The following SH2D7 variants were observed in gnomAD, a reference collection of about 807,000 sequenced individuals.
SH2D7 encodes the protein SH2 domain containing 7.
SH2D7 carries 32 observed loss-of-function variants against 40.8 expected under a neutral mutation model. The observed-to-expected ratio is 0.78, with a 90% CI of 0.59 to 1.05. SH2D7 has a LOEUF of 1.05. Ranked by LOEUF, SH2D7 falls within the 50% of genes least tolerant of loss-of-function variation. SH2D7 has a pLI of 0.00. For missense variants in SH2D7, 559 were observed against 566.6 expected (o/e 0.99, Z 0.14); for synonymous variants, 195 against 221.5 (o/e 0.88, Z 1.06).
intron 4 of SH2D7, among the ~76,000 whole-genome samples, chr15:78,100,696 C>CA (rs1213564908): frequency 6.6e-6 from 1 of 152,026 alleles, no homozygotes; most frequent in Non-Finnish European, 1.5e-5. Flanking sequence ...GACTCCATCT[C>CA]AAAAAACAAA....
At position 78,101,431 on chromosome 15, in the gene SH2D7, G is replaced by A; in HGVS notation, c.1178G>A (p.Ser393Asn). The A allele has an allele frequency of 6.2e-7, 1 of 1,613,382 alleles. No individual in the cohort carries two copies. The highest frequency in any genetic ancestry group is 2.2e-5 in the East Asian group (1 of 44,868). ...GCCAGGGCCCCACATCCTGGGGCCA[G>A]TCCCACATATAGCCCATGGGTCCAT... ...GPARAPHPGA[S>N]PTYSPWVHGY... The change falls in exon 5 of 6, where the codon AGT becomes AAT. Residue 393 changes from serine (S) to asparagine (N), a missense_variant. Physicochemically the swap from Ser to Asn is conservative, Grantham distance 46. Transcript: ENST00000328828.
chr15:78,102,309 A>G (rs893924311), intron 5 of SH2D7, among the ~76,000 whole-genome samples: 1 of 152,212 alleles, frequency 6.6e-6, no homozygotes, highest in African/African-American at 2.4e-5. Context: ...TGTCTTAAAT[A>G]CCACAATTAT....
At chr15:78,100,872 A>T in intron 4 of SH2D7, 27 bp from the exon 5 acceptor site, 1 of 1,605,484 alleles carries the variant, frequency 6.2e-7, no homozygotes, top group South Asian at 1.1e-5. Flanking sequence ...CTGCCCCTTA[A>T]GAGTTTCTCT....
In SH2D7 at chr15:78,098,731, G is replaced by T. The variant is rs546533339; in HGVS notation, c.645+135G>T. 5.3e-5 allele frequency: 56 copies of T among 1,060,248 alleles called. No homozygotes were observed. In the African/African-American group the frequency reaches 8.3e-4, roughly 16 times the overall value. 65.7% of individuals were successfully genotyped at this position (1,060,248 alleles called of 1,614,324 possible). A position where few individuals can be genotyped will look rare whatever the true frequency, so the allele number is the denominator to read the frequency against. ...AGGGTGAGCCAGGCCCAGAGGTGCG[G>T]ACCCAGCTTGGAATCACCCAGGGTT... On this transcript the variant is annotated intron_variant, in intron 4 of 5. Coordinates refer to ENST00000328828, the MANE Select transcript of SH2D7 (RefSeq NM_001101404.2).
At chr15:78,095,385 G>C (rs1314727495) in intron 2 of SH2D7, among the ~76,000 whole-genome samples, 1 of 151,968 alleles carries the variant, frequency 6.6e-6, no homozygotes, top group Admixed American at 6.6e-5. Flanking sequence ...TTTCTTCCCA[G>C]GTGAGATCTT....
At chr15:78,100,806 C>T in intron 4 of SH2D7, 93 bp from the exon 5 acceptor site, 1 of 1,429,254 alleles carries the variant, frequency 7.0e-7, no homozygotes, top group Non-Finnish European at 9.5e-7. Context: ...ATAGCCAAGA[C>T]AGGGGGCCTC....
intron 2 of SH2D7, 137 bp from the exon 3 acceptor site, chr15:78,097,792 G>T: frequency 9.3e-7 from 1 of 1,070,388 alleles, no homozygotes. Flanking sequence ...GGGGTACAGT[G>T]GCCCCAGGTC....
chr15:78,101,610 T>C, intron 5 of SH2D7, 52 bp downstream of exon 5: 2 of 1,502,786 alleles, frequency 1.3e-6, no homozygotes, highest in African/African-American at 2.8e-5. Context: ...GAGCACCTGG[T>C]GGTAGGAGAC....
At chr15:78,094,802 G>A (rs28627975) in intron 2 of SH2D7, among the ~76,000 whole-genome samples, 3 of 152,174 alleles carry the variant, frequency 2.0e-5, no homozygotes, top group Non-Finnish European at 4.4e-5. Context: ...AGGTGTGGGG[G>A]CACTGGGGAC....
Position 78,098,608 on chromosome 15 carries a change from T to TA in SH2D7, c.645+13dup. ...AGGAAAGCATGGAGGTGAGGAGCAT[T>TA]ATGGGCCACCTAGAGTCAGGGTTGC... is the stretch of plus-strand genomic sequence containing the variant. On this transcript the variant is annotated intron_variant, in intron 4 of 5. Coordinates refer to ENST00000328828, the MANE Select transcript of SH2D7 (RefSeq NM_001101404.2). The TA allele has an allele frequency of 6.2e-7, 1 of 1,611,294 alleles. No homozygotes were observed. The highest frequency in any genetic ancestry group is 2.2e-5 in the East Asian group (1 of 44,806).
rs1299430223 is a variant in SH2D7 at position 78,103,527 on chromosome 15, C to G, written c.*12C>G. ...AGCACAAATTCTGAGGGCCTGGCATCCGGCAGCCCACCAGTGGGTTTCCTG... is the reference window on the plus strand; with the variant it reads ...AGCACAAATTCTGAGGGCCTGGCATGCGGCAGCCCACCAGTGGGTTTCCTG... On this transcript the variant is annotated 3_prime_UTR_variant, in exon 6 of 6. Transcript: ENST00000328828. 4 of 1,561,170 alleles carry G rather than the reference C, an allele frequency of 2.6e-6. No homozygotes were observed. In the South Asian group the frequency reaches 4.7e-5, roughly 18 times the overall value.
intron 4 of SH2D7, among the ~76,000 whole-genome samples, chr15:78,100,650 T>C (rs1396205300): frequency 6.6e-6 from 1 of 152,078 alleles, no homozygotes; most frequent in East Asian, 1.9e-4. Flanking sequence ...TGAGCTGAGA[T>C]TGCGCCACTG....
chr15:78,096,884 T>A (rs1192939238), intron 2 of SH2D7, among the ~76,000 whole-genome samples: 1 of 152,188 alleles, frequency 6.6e-6, no homozygotes, highest in Admixed American at 6.6e-5. Flanking sequence ...ACTCTACTCC[T>A]TGGTATATTC....
At chr15:78,103,347 TG>T in intron 5 of SH2D7, 117 bp from the exon 6 acceptor site, 1 of 1,149,448 alleles carries the variant, frequency 8.7e-7, no homozygotes, top group Non-Finnish European at 1.2e-6. Flanking sequence ...AATTCCAACC[TG>T]GCCTCATGTC....
rs1478444563 is a variant in SH2D7, at chr15:78,098,107, C to T, written c.432+13C>T. The T allele has an allele frequency of 1.3e-6, 2 of 1,599,038 alleles. No homozygotes were observed. Among genetic ancestry groups the T allele is most frequent in the Middle Eastern group, 1.7e-4 (1 of 6,004 alleles). On this transcript the variant is annotated intron_variant, in intron 3 of 5. Transcript: ENST00000328828. ...TGCCTGCCCCCGGGTAGGCGCCCCA[C>T]TTCCCCAGGGTGAGGGTGGCAGGGC...
chr15:78,100,019 C>T (rs907109099), intron 4 of SH2D7, among the ~76,000 whole-genome samples: 1 of 152,220 alleles, frequency 6.6e-6, no homozygotes, highest in Admixed American at 6.5e-5. Flanking sequence ...GACCCTGCTT[C>T]GTTCTTTGTA....
intron 2 of SH2D7, among the ~76,000 whole-genome samples, chr15:78,096,414 G>C (rs924231371): frequency 3.9e-5 from 6 of 152,128 alleles, no homozygotes; most frequent in African/African-American, 1.4e-4. Context: ...AGCTATCAGG[G>C]AAACACAAAT....
chr15:78,097,342 C>T (rs892962266), intron 2 of SH2D7, among the ~76,000 whole-genome samples: 4 of 152,044 alleles, frequency 2.6e-5, no homozygotes, highest in Non-Finnish European at 5.9e-5. Context: ...AATGTACACA[C>T]ATCACTGTGT....
chr15:78,100,912 T>C lies in SH2D7; in HGVS notation c.659T>C (p.Val220Ala). The C allele has an allele frequency of 6.2e-7, 1 of 1,613,336 alleles. No individual in the cohort carries two copies. The highest frequency in any genetic ancestry group is 1.1e-5 in the South Asian group (1 of 91,052). The stretch of plus-strand genomic sequence containing the variant: ...CTGTCTCCCCAGGCTCCCATCAGAG[T>C]GTCTCCACTCCCTGAGAAGAGTTCC... Reference protein sequence around the residue: ...QEESMEAPIRVSPLPEKSSSL... With the variant: ...QEESMEAPIRASPLPEKSSSL... Residue 220 changes from valine to alanine, a missense_variant, in exon 5 of 6, where the codon GTG (valine) becomes GCG (alanine). Physicochemically the swap from Val to Ala is moderately conservative, Grantham distance 64. Transcript: ENST00000328828.
Sources: gnomAD v4.1 joint callset for allele counts (sites outside exome capture counted in the v4.1 genomes callset) on GRCh38, gnomAD v4.1.1 for gene constraint, MANE v1.5 for transcripts, NCBI Gene and HGNC (gene_info 2026-07-23, HGNC 2026-07-21) for gene names.